Variants in PALM2AKAP2 observed in about 807,000 individuals in gnomAD.
The protein encoded by PALM2AKAP2 is PALM2 and AKAP2 fusion, also known as PALM2-AKAP2 fusion protein.
A neutral mutation model predicts 71.5 loss-of-function variants in PALM2AKAP2; 37 were observed. That is an observed-to-expected ratio of 0.52 (90% CI 0.40 to 0.68). The LOEUF (loss-of-function observed/expected upper bound fraction) is 0.68. Ranked by LOEUF, PALM2AKAP2 falls within the 30% of genes least tolerant of loss-of-function variation. The pLI is 0.00. For synonymous variants in PALM2AKAP2, 468 were observed against 478.8 expected, an observed-to-expected ratio of 0.98 and a Z score of 0.29; for missense variants, 1,224 against 1,191.8, an observed-to-expected ratio of 1.03 and a Z score of -0.40.
chr9:110,118,556 T>C (rs1368731440), intron 1 of PALM2AKAP2, among the ~76,000 whole-genome samples: 1 of 152,206 alleles, frequency 6.6e-6, no homozygotes, highest in African/African-American at 2.4e-5. Flanking sequence ...CCTTCTTGAC[T>C]TGTAGAGAGT....
At chr9:109,715,733 C>G (rs1828308980) in intron 1 of PALM2AKAP2, among the ~76,000 whole-genome samples, 1 of 152,212 alleles carries the variant, frequency 6.6e-6, no homozygotes, top group South Asian at 2.1e-4. Flanking sequence ...ATTCACCTCC[C>G]CAAGTACTTA....
chr9:109,734,427 A>T (rs1828599490), intron 1 of PALM2AKAP2, among the ~76,000 whole-genome samples: 1 of 152,226 alleles, frequency 6.6e-6, no homozygotes, highest in Non-Finnish European at 1.5e-5. Flanking sequence ...ATTTAAATGA[A>T]TTACAATTAA....
At chr9:110,077,968 C>T (rs1398591748) in intron 1 of PALM2AKAP2, among the ~76,000 whole-genome samples, 2 of 150,568 alleles carry the variant, frequency 1.3e-5, no homozygotes, top group African/African-American at 2.5e-5. Context: ...GAGCCGAGAT[C>T]GCGCTACTGC....
At chr9:109,924,655 G>A (rs1480966466) in intron 4 of PALM2AKAP2, among the ~76,000 whole-genome samples, 2 of 152,060 alleles carry the variant, frequency 1.3e-5, no homozygotes, top group Non-Finnish European at 2.9e-5. Flanking sequence ...GTGGTGCCGT[G>A]TATCAAAGAG....
intron 1 of PALM2AKAP2, among the ~76,000 whole-genome samples, chr9:109,710,741 T>A (rs1218958517): frequency 6.6e-6 from 1 of 152,196 alleles, no homozygotes; most frequent in Non-Finnish European, 1.5e-5. Context: ...GTATTAGTGT[T>A]GCAGGAGCAA....
At chr9:109,686,136 G>T (rs1000169950) in intron 1 of PALM2AKAP2, among the ~76,000 whole-genome samples, 16 of 152,134 alleles carry the variant, frequency 1.1e-4, no homozygotes, top group South Asian at 2.1e-4. Context: ...AACCACATCT[G>T]CAGTTACTTC....
chr9:109,992,566 G>A (rs1832504446), intron 6 of PALM2AKAP2, among the ~76,000 whole-genome samples: 1 of 152,100 alleles, frequency 6.6e-6, no homozygotes, highest in Admixed American at 6.5e-5. Context: ...CTGCAGGCAT[G>A]CACCAACACA....
intron 1 of PALM2AKAP2, among the ~76,000 whole-genome samples, chr9:109,866,336 A>G (rs1364121755): frequency 6.6e-6 from 1 of 152,198 alleles, no homozygotes; most frequent in Non-Finnish European, 1.5e-5. Flanking sequence ...CTTATCTAAT[A>G]AGTTTCTCCC....
chr9:109,883,595 A>C (rs1379902678), intron 3 of PALM2AKAP2, among the ~76,000 whole-genome samples: 1 of 152,206 alleles, frequency 6.6e-6, no homozygotes, highest in Non-Finnish European at 1.5e-5. Flanking sequence ...AGTGTCTTTA[A>C]TCTTCAATCC....
chr9:109,780,656 ACT>A (rs1829428983), intron 1 of PALM2AKAP2, 123 bp downstream of exon 1: 3 of 1,400,814 alleles, frequency 2.1e-6, no homozygotes, highest in African/African-American at 2.8e-5. Context: ...AGGGGCTAAA[ACT>A]CTGTCAGGGC....
At chr9:109,885,310 A>G (rs1829940568) in intron 3 of PALM2AKAP2, among the ~76,000 whole-genome samples, 1 of 152,180 alleles carries the variant, frequency 6.6e-6, no homozygotes, top group Admixed American at 6.5e-5. Flanking sequence ...GGAATGGAGG[A>G]AGGAAGGATG....
intron 3 of PALM2AKAP2, among the ~76,000 whole-genome samples, chr9:109,884,789 G>C (rs764402302): frequency 9.9e-5 from 15 of 152,218 alleles, no homozygotes; most frequent in Non-Finnish European, 1.3e-4. Flanking sequence ...TATTAGTACA[G>C]TTGTGCCCTG....
At chr9:109,867,009 C>A (rs951015480) in intron 1 of PALM2AKAP2, 1 of 456,442 alleles carries the variant, frequency 2.2e-6, no homozygotes, top group African/African-American at 2.0e-5. Flanking sequence ...ACAACGTCTG[C>A]TTATTTATGT....
At chr9:109,845,473 A>C (rs552039874) in intron 1 of PALM2AKAP2, among the ~76,000 whole-genome samples, 2 of 152,234 alleles carry the variant, frequency 1.3e-5, no homozygotes, top group Admixed American at 6.5e-5. Context: ...GCTTCTCAGT[A>C]TAATTGCTAG....
At chr9:109,945,099 A>G (rs1035949786) in intron 6 of PALM2AKAP2, 1 of 152,122 alleles carries the variant, frequency 6.6e-6, no homozygotes, top group African/African-American at 2.4e-5. Flanking sequence ...TCAGTGCTAA[A>G]TCTATTGCTT....
At chr9:109,882,543 A>G (rs191211125) in intron 3 of PALM2AKAP2, among the ~76,000 whole-genome samples, 1 of 152,306 alleles carries the variant, frequency 6.6e-6, no homozygotes, top group East Asian at 1.9e-4. Flanking sequence ...TCATATACAT[A>G]TATATATAGA....
intron 1 of PALM2AKAP2, among the ~76,000 whole-genome samples, chr9:109,855,081 T>C (rs1363308603): frequency 6.6e-6 from 1 of 150,716 alleles, no homozygotes; most frequent in Non-Finnish European, 1.5e-5. Context: ...CCCCCTTTTT[T>C]TGGGGTGGGG....
chr9:109,773,150 T>A (rs1353233362), intron 1 of PALM2AKAP2, among the ~76,000 whole-genome samples: 3 of 152,104 alleles, frequency 2.0e-5, no homozygotes, highest in African/African-American at 7.2e-5. Context: ...GTCTTTTTTT[T>A]TTGATATGGG....
chr9:109,800,035 G>A (rs1023105958), intron 1 of PALM2AKAP2, among the ~76,000 whole-genome samples: 9 of 152,158 alleles, frequency 5.9e-5, no homozygotes, highest in South Asian at 2.1e-4. Context: ...AGAGCCACTC[G>A]GATTCCCTAT....
Sources: allele counts gnomAD v4.1 joint callset (sites outside exome capture counted in the v4.1 genomes callset), GRCh38; gene constraint gnomAD v4.1.1; transcripts MANE v1.5; gene names NCBI Gene and HGNC (gene_info 2026-07-23, HGNC 2026-07-21).